The following SLC44A1 variants were observed in gnomAD, a reference collection of about 807,000 sequenced individuals.
SLC44A1 encodes solute carrier family 44 member 1.
SLC44A1 carries 26 observed loss-of-function variants against 79.3 expected under a neutral mutation model. The observed-to-expected ratio is 0.33, with a 90% CI of 0.24 to 0.46. SLC44A1 has a LOEUF of 0.46. Ranked by LOEUF, SLC44A1 falls within the 20% of genes least tolerant of loss-of-function variation. The pLI is 1.00. For synonymous variants in SLC44A1, 263 were observed against 286.2 expected (o/e 0.92, Z 0.82); for missense variants, 688 against 798.1 (o/e 0.86, Z 1.66).
At chr9:105,397,902 C>G (rs1238496163), downstream of SLC44A1, among the ~76,000 whole-genome samples, 1 of 151,736 alleles carries the variant, frequency 6.6e-6, no homozygotes, top group African/African-American at 2.4e-5. Flanking sequence ...GAGCCAAGAT[C>G]GCATCACCGC....
rs368398545 is a variant in SLC44A1, at chr9:105,412,131, C to T, written c.1951-26150C>T. ...TGTAAGGAAAATCTCTTCTCACCCA[C>T]TTAGTTTTTCATCAAATAAATATTT... On this transcript the variant is annotated intron_variant, in intron 15 of 15. Transcript: ENST00000374724. 7.9e-5 allele frequency among the ~76,000 whole-genome samples: 12 copies of T among 152,188 alleles called. No homozygotes were observed. The East Asian group carries it at 1.7e-3, about 22-fold the overall frequency.
intron 1 of SLC44A1, among the ~76,000 whole-genome samples, chr9:105,262,910 A>G (rs779276244): frequency 6.6e-6 from 1 of 152,242 alleles, no homozygotes; most frequent in Non-Finnish European, 1.5e-5. Context: ...GTAATTTTTA[A>G]TAAAATGTAA....
Position 105,391,056 on chromosome 9 carries a change from G to T in SLC44A1, c.*2000G>T. On this transcript the variant is annotated 3_prime_UTR_variant, in exon 16 of 16. Transcript: ENST00000374720. Reference sequence around the variant, plus strand: ...CAGATTTTGGACTTTCACAAACATTGGGAACTAAATTTAGAATTGGCAAAA... The same window carrying T: ...CAGATTTTGGACTTTCACAAACATTTGGAACTAAATTTAGAATTGGCAAAA... 1.0e-6 allele frequency: 1 copy of T among 985,702 alleles called. No homozygotes were observed. The highest frequency in any genetic ancestry group is 1.2e-6 in the Non-Finnish European group (1 of 829,888). The allele number at this position is 985,702 out of a possible 1,614,324, so 61.1% of individuals were successfully genotyped here.
Position 105,384,277 on chromosome 9 carries a change from A to G in SLC44A1, c.1869+918A>G, listed in dbSNP as rs142196980. 1.1e-3 allele frequency among the ~76,000 whole-genome samples: 164 copies of G among 151,740 alleles called. 2 individuals carry two copies. In the East Asian group the frequency reaches 0.029, roughly 27 times the overall value. On this transcript the variant is annotated intron_variant, in intron 14 of 15. Transcript: ENST00000374720. ...CTTGGCTCTGCAACCTCTACCTCCC[A>G]GGTTCAAGCAGTTCTCCCTCAGCCT...
chr9:105,248,925 A>G (rs1457761222), intron 1 of SLC44A1, among the ~76,000 whole-genome samples: 3 of 152,248 alleles, frequency 2.0e-5, no homozygotes, highest in Non-Finnish European at 4.4e-5. Flanking sequence ...CTTAATGGCT[A>G]GATGATTATT....
intron 13 of SLC44A1, among the ~76,000 whole-genome samples, chr9:105,376,602 G>C (rs1159240539): frequency 6.6e-6 from 1 of 152,088 alleles, no homozygotes; most frequent in Non-Finnish European, 1.5e-5. Flanking sequence ...TCAAACTCCC[G>C]ACCTCAGGTG....
At chr9:105,275,872 T>C (rs1367255863) in intron 1 of SLC44A1, among the ~76,000 whole-genome samples, 1 of 151,524 alleles carries the variant, frequency 6.6e-6, no homozygotes, top group Non-Finnish European at 1.5e-5. Flanking sequence ...TGGCGCGATC[T>C]CAGCTCACTG....
rs1828818005 is a variant in SLC44A1 at position 105,393,784 on chromosome 9, C to T, written c.*4728C>T. ...TTTGTGAAAAACATGTGAGATTGTT[C>T]GAGACCTATTAGGCTATTCTTCAGT... is the stretch of plus-strand genomic sequence containing the variant. On this transcript the variant is annotated 3_prime_UTR_variant, in exon 16 of 16. Transcript: ENST00000374720. 17 of 985,210 alleles carry T rather than the reference C, an allele frequency of 1.7e-5. No homozygotes were observed. Among genetic ancestry groups the T allele is most frequent in the Non-Finnish European group, 1.8e-5 (15 of 829,820 alleles). The allele number at this position is 985,210 out of a possible 1,614,324, so 61.0% of individuals were successfully genotyped here.
chr9:105,387,531 C>T (rs1828664556), intron 15 of SLC44A1, among the ~76,000 whole-genome samples: 1 of 152,072 alleles, frequency 6.6e-6, no homozygotes, highest in Non-Finnish European at 1.5e-5. Context: ...AGGAAGGCTT[C>T]CTTCCTTCTA....
At chr9:105,350,480 G>A (rs933264210) in intron 5 of SLC44A1, among the ~76,000 whole-genome samples, 1 of 151,984 alleles carries the variant, frequency 6.6e-6, no homozygotes, top group African/African-American at 2.4e-5. Flanking sequence ...TATGTTTTTG[G>A]TGACTTTTTT....
At chr9:105,323,084 C>T (rs1440142105) in intron 3 of SLC44A1, among the ~76,000 whole-genome samples, 8 of 149,874 alleles carry the variant, frequency 5.3e-5, no homozygotes, top group East Asian at 2.0e-4. Context: ...GGCGTGGTGG[C>T]GGGCACCTGT....
chr9:105,268,752 G>A (rs566144837), intron 1 of SLC44A1, among the ~76,000 whole-genome samples: 1 of 139,374 alleles, frequency 7.2e-6, no homozygotes. Flanking sequence ...GCCCGCCTTG[G>A]CCTCCAAAGT....
At chr9:105,262,842 A>G (rs1564402423) in intron 1 of SLC44A1, among the ~76,000 whole-genome samples, 1 of 152,166 alleles carries the variant, frequency 6.6e-6, no homozygotes, top group South Asian at 2.1e-4. Flanking sequence ...TCAGACATAC[A>G]TTTTCTGTTT....
chr9:105,355,576 A>G (rs1827597746), intron 5 of SLC44A1, among the ~76,000 whole-genome samples: 1 of 152,208 alleles, frequency 6.6e-6, no homozygotes, highest in Non-Finnish European at 1.5e-5. Context: ...ATTACATTAT[A>G]AGCATTTCCA....
At chr9:105,254,747 A>G (rs1391894683) in intron 1 of SLC44A1, among the ~76,000 whole-genome samples, 1 of 152,206 alleles carries the variant, frequency 6.6e-6, no homozygotes, top group Non-Finnish European at 1.5e-5. Context: ...ATTCTGAGCT[A>G]AGGACAGCTT....
At chr9:105,374,301 G>A (rs559847593) in intron 12 of SLC44A1, among the ~76,000 whole-genome samples, 3 of 152,274 alleles carry the variant, frequency 2.0e-5, no homozygotes, top group Admixed American at 6.5e-5. Context: ...ATTAAATTAT[G>A]TTTGATTTAC....
At position 105,395,079 on chromosome 9, in the gene SLC44A1, GA is replaced by G; in HGVS notation, c.*6024del. 3.0e-6 allele frequency: 3 copies of G among 985,442 alleles called. No individual in the cohort carries two copies. Among genetic ancestry groups the G allele is most frequent in the Non-Finnish European group, 3.6e-6 (3 of 829,938 alleles). 61.0% of individuals were successfully genotyped at this position (985,442 alleles called of 1,614,324 possible). A position where few individuals can be genotyped will look rare whatever the true frequency, so the allele number is the denominator to read the frequency against. ...GTGAAATTTGATCCCAGTGGCTCAT[GA>G]CTTATAGTCAGGCATCAAACCATTT... On this transcript the variant is annotated 3_prime_UTR_variant, in exon 16 of 16. Coordinates refer to ENST00000374720, the MANE Select transcript of SLC44A1 (RefSeq NM_080546.5).
At chr9:105,280,672 G>T (rs1455263145) in intron 1 of SLC44A1, among the ~76,000 whole-genome samples, 3 of 152,134 alleles carry the variant, frequency 2.0e-5, no homozygotes, top group Admixed American at 2.0e-4. Context: ...AGTTGATTTG[G>T]CTGTACAAAA....
intron 3 of SLC44A1, among the ~76,000 whole-genome samples, chr9:105,321,877 T>C (rs975277561): frequency 1.3e-5 from 2 of 151,576 alleles, no homozygotes; most frequent in African/African-American, 4.8e-5. Context: ...ATAGTAAAGA[T>C]GACAATACTA....
Sources: gnomAD v4.1 joint callset for allele counts (sites outside exome capture counted in the v4.1 genomes callset) on GRCh38, gnomAD v4.1.1 for gene constraint, MANE v1.5 for transcripts, NCBI Gene and HGNC (gene_info 2026-07-23, HGNC 2026-07-21) for gene names.